SRGAP3: variants seen among roughly 807,000 people sequenced by gnomAD.
SRGAP3 encodes SLIT-ROBO Rho GTPase-activating protein 3.
SRGAP3 carries 39 observed loss-of-function variants against 121.1 expected under a neutral mutation model. The observed-to-expected ratio is 0.32, with a 90% CI of 0.25 to 0.42. SRGAP3 has a LOEUF of 0.42. Among genes scored for constraint, SRGAP3 ranks in the 10% least tolerant of loss-of-function variants. The pLI is 1.00. For synonymous variants in SRGAP3, 601 were observed against 570.0 expected (o/e 1.05, Z -0.77); for missense variants, 1,213 against 1,470.6 (o/e 0.82, Z 2.86).
At chr3:9,321,487 C>A (rs1343152864) in intron 3 of SRGAP3, among the ~76,000 whole-genome samples, 1 of 151,900 alleles carries the variant, frequency 6.6e-6, no homozygotes, top group African/African-American at 2.4e-5. Flanking sequence ...GAGAAGGATG[C>A]ATCAGGACTG....
intron 1 of SRGAP3, among the ~76,000 whole-genome samples, chr3:9,163,879 G>C (rs1056752857): frequency 3.3e-5 from 5 of 151,868 alleles, no homozygotes; most frequent in Admixed American, 6.6e-5. Context: ...TGAGGAAGTT[G>C]GGACTTAGTA....
chr3:9,107,521 T>G (rs1948460426), intron 2 of SRGAP3, among the ~76,000 whole-genome samples: 2 of 152,210 alleles, frequency 1.3e-5, no homozygotes, highest in Non-Finnish European at 2.9e-5. Flanking sequence ...AATGCCTGTT[T>G]CTATTACTGT....
At position 9,218,080 on chromosome 3, in the gene SRGAP3, G is replaced by A. The variant is rs1952692196; in HGVS notation, c.67+30805C>T. On this transcript the variant is annotated intron_variant, in intron 1 of 21. Coordinates refer to ENST00000383836, the MANE Select transcript of SRGAP3 (RefSeq NM_014850.4). The surrounding 1 kb of genome is among the most constrained non-coding windows in gnomAD (Gnocchi z 5.3). ...CCTCCGAACCATTGAGAGTACTTCT[G>A]AAAGACAGTGCTTACTTAGCTTGGG... The A allele has an allele frequency of 8.2e-6, 1 of 122,440 alleles. No homozygotes were observed. The highest frequency in any genetic ancestry group is 1.7e-5 in the Non-Finnish European group (1 of 58,152). The allele number at this position is 122,440 out of a possible 1,614,324, so 7.6% of individuals were successfully genotyped here.
chr3:9,092,137 C>T (rs907860481), intron 3 of SRGAP3, among the ~76,000 whole-genome samples: 12 of 152,078 alleles, frequency 7.9e-5, no homozygotes, highest in African/African-American at 2.9e-4. Flanking sequence ...CCTGCAATTA[C>T]TCCCAGGCTT....
intron 1 of SRGAP3, among the ~76,000 whole-genome samples, chr3:9,176,009 C>T (rs1417373276): frequency 6.6e-6 from 1 of 152,192 alleles, no homozygotes; most frequent in Non-Finnish European, 1.5e-5. Flanking sequence ...GCAAACTCCG[C>T]CTCCTGGGTT....
chr3:9,010,448 C>T, intron 17 of SRGAP3, 61 bp from the exon 18 acceptor site: 1 of 1,597,284 alleles, frequency 6.3e-7, no homozygotes, highest in Non-Finnish European at 8.6e-7. Flanking sequence ...ACAGCACCTT[C>T]AGCCTCTCAT....
chr3:9,019,696 G>A (rs946446389), intron 14 of SRGAP3, among the ~76,000 whole-genome samples: 1 of 152,208 alleles, frequency 6.6e-6, no homozygotes, highest in African/African-American at 2.4e-5. Context: ...GCCCCAACAT[G>A]CTTCAGTATG....
At chr3:9,126,845 G>A (rs1949253514) in intron 1 of SRGAP3, among the ~76,000 whole-genome samples, 1 of 151,972 alleles carries the variant, frequency 6.6e-6, no homozygotes, top group Non-Finnish European at 1.5e-5. Context: ...TTGTGTCATG[G>A]GTACCCAAGA....
chr3:9,297,861 A>C (rs1390997512), intron 3 of SRGAP3, among the ~76,000 whole-genome samples: 1 of 151,858 alleles, frequency 6.6e-6, no homozygotes, highest in Non-Finnish European at 1.5e-5. Context: ...GCACTACTGC[A>C]CTCTAGCCTG....
Position 9,013,461 on chromosome 3 carries a change from T to C in SRGAP3, c.1994A>G (p.His665Arg), listed in dbSNP as rs370959889. The C allele has an allele frequency of 1.9e-6, 3 of 1,613,898 alleles. No individual in the cohort carries two copies. Among genetic ancestry groups the C allele is most frequent in the East Asian group, 4.5e-5 (2 of 44,866 alleles). The stretch of plus-strand genomic sequence containing the variant: ...CACAGGGTCCTGCCCATCAGGGATG[T>C]GCATGAGGGTAGGCCCGAAGCAGAT... ...LAICFGPTLM[H>R]IPDGQDPVSC... is the part of the protein sequence containing the mutation. The change falls in exon 17 of 22, where the codon CAC becomes CGC. Residue 665 changes from histidine to arginine, a missense_variant. Transcript: ENST00000383836.
chr3:9,168,329 G>C (rs754172705), intron 1 of SRGAP3, among the ~76,000 whole-genome samples: 1 of 152,216 alleles, frequency 6.6e-6, no homozygotes, highest in Non-Finnish European at 1.5e-5. Context: ...CGTCTCTGCT[G>C]TTAGCAACTG....
chr3:9,203,104 A>C (rs982704292), intron 1 of SRGAP3, among the ~76,000 whole-genome samples: 1 of 152,078 alleles, frequency 6.6e-6, no homozygotes, highest in African/African-American at 2.4e-5. Context: ...TATTGCACAG[A>C]AGTCTCTGAC....
chr3:9,357,323 T>A (rs1018651789), intron 1 of SRGAP3, among the ~76,000 whole-genome samples: 2 of 152,206 alleles, frequency 1.3e-5, no homozygotes, highest in African/African-American at 4.8e-5. Flanking sequence ...CTATTCTGGG[T>A]ATTTCATGTA....
intron 10 of SRGAP3, 63 bp downstream of exon 10, chr3:9,047,328 G>T: frequency 6.5e-7 from 1 of 1,529,372 alleles, no homozygotes; most frequent in Non-Finnish European, 9.0e-7. Flanking sequence ...CACGTCAGGG[G>T]GCCACAGTGA....
chr3:9,186,118 C>T (rs1010957420), intron 1 of SRGAP3, among the ~76,000 whole-genome samples: 1 of 152,202 alleles, frequency 6.6e-6, no homozygotes, highest in Non-Finnish European at 1.5e-5. Flanking sequence ...GCTCATGGTA[C>T]ATCACACTAG....
At chr3:9,326,526 A>ATTAGCTACTCTGCTTAGCACCCAATATC (rs1955522042) in intron 2 of SRGAP3, among the ~76,000 whole-genome samples, 1 of 151,784 alleles carries the variant, frequency 6.6e-6, no homozygotes, top group Non-Finnish European at 1.5e-5. Context: ...CTTTAATAAC[A>ATTAGCTACTCTGCTTAGCACCCAATATC]AAAGCTTTAA....
intron 1 of SRGAP3, chr3:9,348,840 A>G: frequency 7.5e-7 from 1 of 1,328,662 alleles, no homozygotes; most frequent in Non-Finnish European, 1.1e-6. Context: ...CCTTTCTACA[A>G]CATCAGTAAG....
At chr3:9,235,448 T>C (rs1439035488) in intron 1 of SRGAP3, 1 of 151,838 alleles carries the variant, frequency 6.6e-6, no homozygotes, top group Non-Finnish European at 1.5e-5. Context: ...AGTAGCATGG[T>C]GGCTGCCAGG....
At position 9,249,281 on chromosome 3, in the gene SRGAP3, TCA is replaced by T; in HGVS notation, c.-332_-331del. Reference sequence around the variant, plus strand: ...TAATAATAGTAATAACCAAGCGCACTCACACACACATGCACACGTACACACAC... The same window carrying T: ...TAATAATAGTAATAACCAAGCGCACTCACACACATGCACACGTACACACAC... On this transcript the variant is annotated 5_prime_UTR_variant, in exon 1 of 22. It introduces an in-frame stop codon into an upstream open reading frame of the 5' UTR. Transcript: ENST00000383836. 2.2e-6 allele frequency: 1 copy of T among 459,806 alleles called. No individual in the cohort carries two copies. Among genetic ancestry groups the T allele is most frequent in the South Asian group, 2.1e-5 (1 of 46,840 alleles). 28.5% of individuals were successfully genotyped at this position (459,806 alleles called of 1,614,324 possible).
Sources: gnomAD v4.1 joint callset for allele counts (sites outside exome capture counted in the v4.1 genomes callset) on GRCh38, gnomAD v4.1.1 for gene constraint, Gnocchi (gnomAD v3.1) non-coding constraint, MANE v1.5 for transcripts, NCBI Gene and HGNC (gene_info 2026-07-23, HGNC 2026-07-21) for gene names.